RRAGB: variants seen among roughly 807,000 people sequenced by gnomAD.
RRAGB encodes the protein ras-related GTP-binding protein B.
RRAGB carries 6 observed loss-of-function variants against 29.3 expected under a neutral mutation model. The observed-to-expected ratio is 0.21, with a 90% CI of 0.11 to 0.40. The LOEUF is 0.40. RRAGB is among the 10% of genes least tolerant of loss of function. The pLI is 1.00. For missense variants in RRAGB, 184 were observed against 272.9 expected (o/e 0.67, Z 2.29); for synonymous variants, 101 against 92.5 (o/e 1.09, Z -0.53).
intron 3 of RRAGB, among the ~76,000 whole-genome samples, chrX:55,723,548 C>T (rs926141339): frequency 5.5e-5 from 6 of 109,177 alleles, no homozygotes; most frequent in African/African-American, 1.3e-4. Flanking sequence ...CGATCTCTTG[C>T]CTCACAAATC....
Position 55,718,243 on chromosome X carries a change from G to A in RRAGB, c.-85G>A, listed in dbSNP as rs1224576304. The A allele has an allele frequency of 2.7e-6, 2 of 739,307 alleles. No individual in the cohort carries two copies. The highest frequency in any genetic ancestry group is 3.9e-6 in the Non-Finnish European group (2 of 513,263). 60.9% of individuals were successfully genotyped at this position (739,307 alleles called of 1,213,427 possible). A position where few individuals can be genotyped will look rare whatever the true frequency, so the allele number is the denominator to read the frequency against. On this transcript the variant is annotated 5_prime_UTR_variant, in exon 1 of 10. It adds an upstream start codon to the 5' untranslated region. Transcript: ENST00000374941. The stretch of plus-strand genomic sequence containing the variant: ...GGCGATGAGAATAGGCAGTTGAGGG[G>A]TGAAAAAGAAAACAAACAAACAACA...
chrX:55,720,100 T>C (rs1274475090), intron 2 of RRAGB, among the ~76,000 whole-genome samples: 1 of 112,295 alleles, frequency 8.9e-6, no homozygotes, highest in African/African-American at 3.2e-5. Flanking sequence ...GAAGGAAATG[T>C]ACCATATTTA....
chrX:55,749,502 C>T (rs1470338891), intron 5 of RRAGB, among the ~76,000 whole-genome samples: 1 of 111,217 alleles, frequency 9.0e-6, no homozygotes, highest in Non-Finnish European at 1.9e-5. Context: ...TGAGGAGCCC[C>T]TCTGCCCGGC....
At chrX:55,757,088 A>G in intron 8 of RRAGB, 128 bp from the exon 9 acceptor site, 3 of 328,980 alleles carry the variant, frequency 9.1e-6, no homozygotes, top group South Asian at 1.3e-4. Context: ...GTGATTAACA[A>G]TCTTAATGAA....
intron 5 of RRAGB, among the ~76,000 whole-genome samples, chrX:55,738,666 T>C (rs1248838625): frequency 8.9e-6 from 1 of 112,079 alleles, no homozygotes; most frequent in African/African-American, 3.2e-5. Flanking sequence ...TCAGCAGATG[T>C]TGTAATGGGC....
intron 5 of RRAGB, among the ~76,000 whole-genome samples, chrX:55,736,909 T>C (rs1349279580): frequency 1.8e-5 from 2 of 112,580 alleles, no homozygotes; most frequent in Admixed American, 1.9e-4. Context: ...TATTTTGTTA[T>C]TTTTGTGAAA....
chrX:55,757,119 G>A (rs2147132194), intron 8 of RRAGB, 97 bp from the exon 9 acceptor site: 8 of 420,255 alleles, frequency 1.9e-5, no homozygotes, highest in Non-Finnish European at 3.5e-5. Flanking sequence ...GAGGTATAGT[G>A]CTATACCTCA....
chrX:55,719,323 A>G lies in RRAGB; in HGVS notation c.102A>G (p.Leu34=), dbSNP rs755309297. 1 of 1,193,016 alleles carries G rather than the reference A, an allele frequency of 8.4e-7. No individual in the cohort carries two copies. Among genetic ancestry groups the G allele is most frequent in the East Asian group, 3.0e-5 (1 of 33,073 alleles). ...GEPEGSLGWV[L]PNTAMKKKVL... The stretch of plus-strand genomic sequence containing the variant: ...TGGTTTATATCTGCAGGTGGGTGCT[A>G]CCAAATACAGCCATGAAGAAAAAGG... Residue 34 remains leucine (L), a synonymous_variant, in exon 2 of 10, where the codon CTA becomes CTG. Coordinates refer to ENST00000374941, the MANE Select transcript of RRAGB (RefSeq NM_006064.5).
chrX:55,729,596 G>A (rs1186933117), intron 4 of RRAGB, among the ~76,000 whole-genome samples: 1 of 111,632 alleles, frequency 9.0e-6, no homozygotes, highest in Non-Finnish European at 1.9e-5. Flanking sequence ...GGTATCTGTA[G>A]TTTGGGATAG....
In RRAGB at chrX:55,731,070, G is replaced by T. The variant is rs1039896819; in HGVS notation, c.294-294G>T. Among the ~76,000 whole-genome samples, 95 of 111,245 alleles carry T rather than the reference G, an allele frequency of 8.5e-4. 3 individuals carry two copies. The highest frequency in any genetic ancestry group is 3.8e-5 in the Non-Finnish European group (2 of 53,060). ...AATTGAGAAAAAGTCAGTGTGTTTA[G>T]AACATAAGGAGAGGGGCAGAGAAAT... On this transcript the variant is annotated intron_variant, in intron 4 of 9. Transcript: ENST00000374941.
intron 7 of RRAGB, among the ~76,000 whole-genome samples, chrX:55,754,345 C>T (rs1016842895): frequency 8.9e-6 from 1 of 112,257 alleles, no homozygotes; most frequent in Non-Finnish European, 1.9e-5. Context: ...TTTGTATAAC[C>T]CTGAAAGGGG....
At chrX:55,754,372 T>A (rs1349500860) in intron 7 of RRAGB, among the ~76,000 whole-genome samples, 2 of 112,992 alleles carry the variant, frequency 1.8e-5, no homozygotes, top group Non-Finnish European at 3.7e-5. Flanking sequence ...AAAACCAGTA[T>A]TGTATTTGTA....
intron 3 of RRAGB, chrX:55,727,187 G>C: frequency 5.1e-6 from 3 of 585,771 alleles, no homozygotes; most frequent in Non-Finnish European, 7.5e-6. Context: ...TCTATGATAT[G>C]GGAGTAGAAA....
intron 5 of RRAGB, among the ~76,000 whole-genome samples, chrX:55,749,219 C>G (rs2034414993): frequency 1.1e-5 from 1 of 89,574 alleles, no homozygotes; most frequent in Non-Finnish European, 2.3e-5. Flanking sequence ...GCCAGCCGCC[C>G]CGTCCGGGAG....
rs753385381 is a variant in RRAGB, at chrX:55,723,581, G to A, written c.226+1296G>A. ...ATCTTTTTTTTTTCTTTTTGGAGAC[G>A]GAGTCTTGCTCTGTCATCCAGGCTG... On this transcript the variant is annotated intron_variant, in intron 3 of 9. Transcript: ENST00000374941. 1.0e-4 allele frequency among the ~76,000 whole-genome samples: 11 copies of A among 108,651 alleles called. No homozygotes were observed. In the East Asian group the frequency reaches 1.2e-3, roughly 11 times the overall value. 94.4% of individuals were successfully genotyped at this position (108,651 alleles called of 115,157 possible).
chrX:55,719,282 C>T, intron 1 of RRAGB, 32 bp from the exon 2 acceptor site: 1 of 1,154,911 alleles, frequency 8.7e-7, no homozygotes, highest in Non-Finnish European at 1.2e-6. Flanking sequence ...GGAATTGGAT[C>T]ATGGAAACTG....
chrX:55,724,131 A>C (rs1049237745), intron 3 of RRAGB, among the ~76,000 whole-genome samples: 1 of 110,841 alleles, frequency 9.0e-6, no homozygotes, highest in Non-Finnish European at 1.9e-5. Flanking sequence ...TTACTAAAAA[A>C]CTCTTTCAAA....
intron 5 of RRAGB, among the ~76,000 whole-genome samples, chrX:55,733,554 A>G (rs777589213): frequency 1.7e-3 from 194 of 111,835 alleles, no homozygotes; most frequent in Non-Finnish European, 2.9e-3. Context: ...GCATCTATTA[A>G]GATGATCATA....
chrX:55,732,022 C>T (rs1207059043), intron 5 of RRAGB, among the ~76,000 whole-genome samples: 1 of 111,688 alleles, frequency 9.0e-6, no homozygotes, highest in East Asian at 2.8e-4. Context: ...ATGCCAGGTC[C>T]CTCATAATTT....
Sources: allele counts gnomAD v4.1 joint callset (sites outside exome capture counted in the v4.1 genomes callset), GRCh38; gene constraint gnomAD v4.1.1; transcripts MANE v1.5; gene names NCBI Gene and HGNC (gene_info 2026-07-23, HGNC 2026-07-21).